Variants in RELN observed in about 807,000 individuals in gnomAD.
The protein encoded by RELN is reelin.
RELN carries 108 observed loss-of-function variants against 427.6 expected under a neutral mutation model. The observed-to-expected ratio is 0.25, with a 90% CI of 0.22 to 0.30. RELN has a LOEUF of 0.30. Ranked by LOEUF, RELN falls within the 10% of genes least tolerant of loss-of-function variation. The pLI is 1.00. For synonymous variants in RELN, 1,524 were observed against 1,513.4 expected (o/e 1.01, Z -0.16); for missense variants, 3,715 against 4,302.8 (o/e 0.86, Z 3.82).
chr7:103,521,040 A>G (rs10249128), intron 48 of RELN, among the ~76,000 whole-genome samples: 1 of 140,326 alleles, frequency 7.1e-6, no homozygotes, highest in Non-Finnish European at 1.5e-5. Context: ...GCAGTGGCGC[A>G]ATCTCGGCTC....
chr7:103,638,596 T>C (rs190656569), intron 17 of RELN, among the ~76,000 whole-genome samples: 38 of 152,326 alleles, frequency 2.5e-4, no homozygotes, highest in Middle Eastern at 3.4e-3. Context: ...AGGTACACAT[T>C]GCTGGAAAAG....
chr7:103,896,380 CATA>C, intron 2 of RELN, among the ~76,000 whole-genome samples: 1 of 152,010 alleles, frequency 6.6e-6, no homozygotes, highest in Non-Finnish European at 1.5e-5. Flanking sequence ...CAGCTGTATG[CATA>C]ATAACCCAAA....
At chr7:103,480,039 G>A (rs1828176646) in intron 63 of RELN, among the ~76,000 whole-genome samples, 1 of 152,162 alleles carries the variant, frequency 6.6e-6, no homozygotes, top group Non-Finnish European at 1.5e-5. Context: ...AAACATATCA[G>A]TAGCCCTGTT....
intron 4 of RELN, among the ~76,000 whole-genome samples, chr7:103,761,258 C>T (rs1169144149): frequency 2.6e-5 from 4 of 151,902 alleles, no homozygotes; most frequent in African/African-American, 9.7e-5. Flanking sequence ...AGATTTATTC[C>T]AATAGGAGCT....
intron 1 of RELN, among the ~76,000 whole-genome samples, chr7:103,948,686 T>G (rs996779002): frequency 6.6e-6 from 1 of 151,822 alleles, no homozygotes; most frequent in Admixed American, 6.6e-5. Context: ...AATAATAAAT[T>G]TGGGCATTTC....
At chr7:103,697,732 C>T in intron 10 of RELN, 121 bp downstream of exon 10, 1 of 1,338,804 alleles carries the variant, frequency 7.5e-7, no homozygotes, top group Non-Finnish European at 1.0e-6. Context: ...AGTATATTAT[C>T]TGGTCCTTTA....
At chr7:103,543,961 GCTTT>G (rs1198036510) in intron 42 of RELN, among the ~76,000 whole-genome samples, 1 of 152,156 alleles carries the variant, frequency 6.6e-6, no homozygotes, top group African/African-American at 2.4e-5. Flanking sequence ...ATGATAATCT[GCTTT>G]CTGTCTTTAT....
At chr7:103,552,925 T>G (rs1830445289) in intron 40 of RELN, among the ~76,000 whole-genome samples, 1 of 152,142 alleles carries the variant, frequency 6.6e-6, no homozygotes, top group Admixed American at 6.5e-5. Flanking sequence ...TTTATCTAAG[T>G]TTTTGAAATA....
intron 10 of RELN, among the ~76,000 whole-genome samples, chr7:103,687,332 G>C (rs759009694): frequency 7.2e-5 from 11 of 152,278 alleles, no homozygotes; most frequent in Middle Eastern, 6.8e-3. Context: ...GCCAGGCACA[G>C]TGTGGGAGAC....
chr7:103,586,163 A>G (rs1357236361), intron 28 of RELN, among the ~76,000 whole-genome samples: 1 of 152,060 alleles, frequency 6.6e-6, no homozygotes, highest in African/African-American at 2.4e-5. Flanking sequence ...GGAGTTCAAG[A>G]CCAACCTGAA....
intron 3 of RELN, among the ~76,000 whole-genome samples, chr7:103,792,513 T>G (rs1303204209): frequency 8.3e-6 from 1 of 120,450 alleles, no homozygotes; most frequent in African/African-American, 3.4e-5. Flanking sequence ...ATGTCCAGAA[T>G]AGGCAATTCT....
intron 20 of RELN, among the ~76,000 whole-genome samples, chr7:103,624,929 T>C (rs997447): frequency 0.15 from 22,467 of 152,220 alleles, 1,736 homozygotes; most frequent in Middle Eastern, 0.31. Flanking sequence ...CTTCTGTCTT[T>C]TATGCCCATG....
At chr7:103,652,849 T>G in intron 13 of RELN, 90 bp from the exon 14 acceptor site, 1 of 1,110,322 alleles carries the variant, frequency 9.0e-7, no homozygotes. Flanking sequence ...GAACGCTATG[T>G]ACATAACTGC....
chr7:103,473,035 T>G (rs1359250361), intron 64 of RELN, 127 bp from the exon 65 acceptor site: 1 of 837,388 alleles, frequency 1.2e-6, no homozygotes, highest in East Asian at 2.5e-5. Context: ...TTTTCAGGGT[T>G]AATAGGTCAT....
intron 2 of RELN, among the ~76,000 whole-genome samples, chr7:103,873,871 T>C (rs1334564034): frequency 1.7e-5 from 2 of 114,434 alleles, no homozygotes; most frequent in Admixed American, 1.8e-4. Context: ...CCAGCATCAT[T>C]CTGATACCAA....
intron 2 of RELN, among the ~76,000 whole-genome samples, chr7:103,837,966 G>A (rs1487771585): frequency 6.6e-6 from 1 of 152,146 alleles, no homozygotes; most frequent in Non-Finnish European, 1.5e-5. Flanking sequence ...CCAGCACTTT[G>A]GGAGGCCGAG....
Position 103,698,897 on chromosome 7 carries a change from T to C in RELN, c.903-804A>G, listed in dbSNP as rs578111664. Among the ~76,000 whole-genome samples the C allele has an allele frequency of 7.8e-4, 118 of 152,252 alleles. 1 individual carries two copies. Among genetic ancestry groups the C allele is most frequent in the African/African-American group, 2.7e-3 (112 of 41,562 alleles). On this transcript the variant is annotated intron_variant, in intron 9 of 64. Transcript: ENST00000428762. The stretch of plus-strand genomic sequence containing the variant: ...TGTGTGCAATATGTTTAATAATCAA[T>C]CTAAATTATTTTATTTCTACTAACC...
At chr7:103,557,181 T>A (rs775531985) in intron 37 of RELN, 22 bp from the exon 38 acceptor site, 7 of 1,571,442 alleles carry the variant, frequency 4.5e-6, no homozygotes, top group Non-Finnish European at 6.1e-6. Flanking sequence ...ATAACACAGG[T>A]ATAAAACATA....
intron 42 of RELN, among the ~76,000 whole-genome samples, chr7:103,544,167 G>A (rs1424096747): frequency 1.4e-5 from 2 of 140,028 alleles, no homozygotes; most frequent in African/African-American, 2.7e-5. Flanking sequence ...AAAATGTATT[G>A]TAAAACCATA....
Sources: gnomAD v4.1 joint callset for allele counts (sites outside exome capture counted in the v4.1 genomes callset) on GRCh38, gnomAD v4.1.1 for gene constraint, MANE v1.5 for transcripts, NCBI Gene and HGNC (gene_info 2026-07-23, HGNC 2026-07-21) for gene names.